LHFPL3: variants seen among roughly 807,000 people sequenced by gnomAD.
LHFPL3 encodes LHFPL tetraspan subfamily member 3 protein.
LHFPL3 carries 5 observed loss-of-function variants against 19.3 expected under a neutral mutation model. The observed-to-expected ratio is 0.26, with a 90% CI of 0.14 to 0.54. The LOEUF is 0.54. LHFPL3 is among the 20% of genes least tolerant of loss of function. The probability of loss-of-function intolerance (pLI) is 0.94; values close to 1 mark genes in which losing one functional copy is unlikely to be tolerated. For missense variants in LHFPL3, 249 were observed against 307.4 expected, an observed-to-expected ratio of 0.81 and a Z score of 1.42; for synonymous variants, 133 against 126.2, an observed-to-expected ratio of 1.05 and a Z score of -0.36.
chr7:104,367,826 A>G (rs1790525625), intron 1 of LHFPL3, among the ~76,000 whole-genome samples: 1 of 152,252 alleles, frequency 6.6e-6, no homozygotes, highest in African/African-American at 2.4e-5. Flanking sequence ...GGAGGGCCTC[A>G]GTAATTTTTG....
chr7:104,576,568 C>T (rs1410272644), intron 1 of LHFPL3, among the ~76,000 whole-genome samples: 1 of 152,176 alleles, frequency 6.6e-6, no homozygotes, highest in African/African-American at 2.4e-5. Context: ...TACCTTAGTA[C>T]CATAGTGAAC....
intron 2 of LHFPL3, among the ~76,000 whole-genome samples, chr7:104,889,063 T>C (rs1407778834): frequency 6.6e-6 from 1 of 152,142 alleles, no homozygotes; most frequent in African/African-American, 2.4e-5. Context: ...CACAAAGGCA[T>C]TGTTTAAAAT....
intron 1 of LHFPL3, among the ~76,000 whole-genome samples, chr7:104,657,208 T>C (rs1277040033): frequency 6.6e-6 from 1 of 152,264 alleles, no homozygotes; most frequent in Non-Finnish European, 1.5e-5. Context: ...ACCAATATGT[T>C]ATCCAACTCT....
intron 2 of LHFPL3, among the ~76,000 whole-genome samples, chr7:104,793,978 A>G (rs915668335): frequency 6.6e-6 from 1 of 152,190 alleles, no homozygotes; most frequent in African/African-American, 2.4e-5. Context: ...CTCGGTGTGG[A>G]TGGGAAGGGA....
intron 1 of LHFPL3, chr7:104,470,019 A>G (rs1414903480): frequency 1.3e-5 from 6 of 456,044 alleles, no homozygotes. Context: ...CCAGGTAATG[A>G]TGCTGTGTGA....
chr7:104,523,110 G>A (rs372324162), intron 1 of LHFPL3, among the ~76,000 whole-genome samples: 1 of 140,294 alleles, frequency 7.1e-6, no homozygotes, highest in South Asian at 2.3e-4. Flanking sequence ...AGACATATGT[G>A]TATTTTCTAG....
At chr7:104,765,293 A>T (rs1288182752) in intron 2 of LHFPL3, among the ~76,000 whole-genome samples, 1 of 152,252 alleles carries the variant, frequency 6.6e-6, no homozygotes, top group Non-Finnish European at 1.5e-5. Flanking sequence ...GAGCTGATAA[A>T]ACACATCTGA....
At chr7:104,395,813 C>G (rs568513666) in intron 1 of LHFPL3, among the ~76,000 whole-genome samples, 2 of 152,162 alleles carry the variant, frequency 1.3e-5, no homozygotes, top group African/African-American at 4.8e-5. Flanking sequence ...TCTTTATTTT[C>G]TAACGTTTAT....
chr7:104,778,071 GGAA>G (rs1001199216), intron 2 of LHFPL3, among the ~76,000 whole-genome samples: 4 of 152,142 alleles, frequency 2.6e-5, no homozygotes, highest in South Asian at 2.1e-4. Flanking sequence ...GCCCTGCTTT[GGAA>G]GAAGAAGAAG....
At chr7:104,693,617 G>A (rs1052925532) in intron 1 of LHFPL3, among the ~76,000 whole-genome samples, 1 of 151,966 alleles carries the variant, frequency 6.6e-6, no homozygotes, top group Non-Finnish European at 1.5e-5. Flanking sequence ...GTGAAGAGGT[G>A]CCTCCCACCA....
chr7:104,498,908 T>C (rs1793543422), intron 1 of LHFPL3, among the ~76,000 whole-genome samples: 1 of 152,208 alleles, frequency 6.6e-6, no homozygotes, highest in Admixed American at 6.5e-5. Context: ...AATTTTAAAA[T>C]GGAAAGTTGT....
At chr7:104,563,441 T>A (rs1386037722) in intron 1 of LHFPL3, among the ~76,000 whole-genome samples, 5 of 152,412 alleles carry the variant, frequency 3.3e-5, no homozygotes, top group South Asian at 2.1e-4. Context: ...AGTGACCCGA[T>A]TTTCCAGGTG....
At chr7:104,584,475 A>C (rs181810792) in intron 1 of LHFPL3, among the ~76,000 whole-genome samples, 1 of 152,104 alleles carries the variant, frequency 6.6e-6, no homozygotes. Flanking sequence ...AAAATTTTTT[A>C]AAAAAAGAAA....
At chr7:104,345,548 A>G (rs1435697402) in intron 1 of LHFPL3, among the ~76,000 whole-genome samples, 2 of 152,218 alleles carry the variant, frequency 1.3e-5, no homozygotes, top group African/African-American at 4.8e-5. Flanking sequence ...AATTGCCTGC[A>G]ACCATTATAA....
intron 1 of LHFPL3, among the ~76,000 whole-genome samples, chr7:104,621,494 A>T (rs2115803871): frequency 6.6e-6 from 1 of 152,340 alleles, no homozygotes; most frequent in Admixed American, 6.5e-5. Flanking sequence ...GACAAAGATC[A>T]CTGAAGAGTG....
At chr7:104,495,531 C>G (rs1369661613) in intron 1 of LHFPL3, among the ~76,000 whole-genome samples, 3 of 152,190 alleles carry the variant, frequency 2.0e-5, no homozygotes, top group East Asian at 3.8e-4. Context: ...CTACAGGCAC[C>G]TGCCACCACG....
chr7:104,511,277 A>G (rs1793808214), intron 1 of LHFPL3, among the ~76,000 whole-genome samples: 2 of 152,216 alleles, frequency 1.3e-5, no homozygotes, highest in Admixed American at 1.3e-4. Flanking sequence ...CTAGACACCT[A>G]TCGGAATAAC....
At chr7:104,554,117 A>G (rs1794713072) in intron 1 of LHFPL3, among the ~76,000 whole-genome samples, 1 of 152,132 alleles carries the variant, frequency 6.6e-6, no homozygotes. Context: ...AAAATGAATC[A>G]TCCTTGTCTC....
chr7:104,459,689 A>G (rs1319612173), intron 1 of LHFPL3, among the ~76,000 whole-genome samples: 1 of 152,224 alleles, frequency 6.6e-6, no homozygotes, highest in African/African-American at 2.4e-5. Context: ...TGGAGAGGAG[A>G]TAAATAGCTA....
Sources: gnomAD v4.1 joint callset for allele counts (sites outside exome capture counted in the v4.1 genomes callset) on GRCh38, gnomAD v4.1.1 for gene constraint, MANE v1.5 for transcripts, NCBI Gene and HGNC (gene_info 2026-07-23, HGNC 2026-07-21) for gene names.